Variants in PLXNA2 observed in about 807,000 individuals in gnomAD.
The protein encoded by PLXNA2 is plexin-A2.
In PLXNA2, 91 loss-of-function variants were observed where a neutral mutation model predicts 193.5. The ratio of observed to expected loss-of-function variants is 0.47; its 90% CI spans 0.40 to 0.56. The LOEUF is 0.56. PLXNA2 is among the 20% of genes least tolerant of loss of function. PLXNA2 has a pLI of 0.00. For synonymous variants in PLXNA2, 997 were observed against 1,027.3 expected (o/e 0.97, Z 0.56); for missense variants, 1,995 against 2,503.2 (o/e 0.80, Z 4.33).
intron 3 of PLXNA2, among the ~76,000 whole-genome samples, chr1:208,204,794 G>C (rs1341747947): frequency 6.6e-6 from 1 of 152,188 alleles, no homozygotes; most frequent in Non-Finnish European, 1.5e-5. Flanking sequence ...CTTAACAGCT[G>C]CTCCCTTGCC....
chr1:208,160,221 C>A (rs984435310), intron 3 of PLXNA2, among the ~76,000 whole-genome samples: 36 of 151,256 alleles, frequency 2.4e-4, no homozygotes, highest in Non-Finnish European at 7.4e-5. Flanking sequence ...CAACCCCCCC[C>A]GCCCAGAAGT....
intron 4 of PLXNA2, among the ~76,000 whole-genome samples, chr1:208,106,144 G>A (rs141162599): frequency 2.0e-5 from 3 of 152,048 alleles, no homozygotes; most frequent in East Asian, 1.9e-4. Flanking sequence ...GGGGTGGAGG[G>A]GGGGTGGTCT....
chr1:208,027,196 G>T lies in PLXNA2; in HGVS notation c.*47C>A. On this transcript the variant is annotated 3_prime_UTR_variant, in exon 32 of 32. Coordinates refer to ENST00000367033, the MANE Select transcript of PLXNA2 (RefSeq NM_025179.4). ...TCCTTCCATCTGAGACTCCCAGTGTGACAGCTTGGACAGGTCCCTCTTCCC... is the reference window on the plus strand; with the variant it reads ...TCCTTCCATCTGAGACTCCCAGTGTTACAGCTTGGACAGGTCCCTCTTCCC... The T allele has an allele frequency of 1.3e-6, 2 of 1,501,384 alleles. No homozygotes were observed. Among genetic ancestry groups the T allele is most frequent in the South Asian group, 1.1e-5 (1 of 88,744 alleles). The allele number at this position is 1,501,384 out of a possible 1,614,324, so 93.0% of individuals were successfully genotyped here.
chr1:208,099,101 T>A, intron 5 of PLXNA2, 132 bp from the exon 6 acceptor site: 1 of 1,112,972 alleles, frequency 9.0e-7, no homozygotes, highest in Non-Finnish European at 1.3e-6. Context: ...ACTTTTACTG[T>A]ACTCCGGAGG....
At chr1:208,168,455 G>C (rs1017903030) in intron 3 of PLXNA2, among the ~76,000 whole-genome samples, 1 of 152,190 alleles carries the variant, frequency 6.6e-6, no homozygotes, top group African/African-American at 2.4e-5. Flanking sequence ...AGGTGCTCAG[G>C]AAATATTTAC....
chr1:208,149,208 TTGTG>T (rs1430041323), intron 3 of PLXNA2, among the ~76,000 whole-genome samples: 3 of 151,298 alleles, frequency 2.0e-5, no homozygotes, highest in Non-Finnish European at 3.0e-5. Flanking sequence ...TATGAGTCTG[TTGTG>T]TGTATGTGTA....
chr1:208,219,506 G>C (rs2102617303), intron 1 of PLXNA2, among the ~76,000 whole-genome samples: 1 of 152,246 alleles, frequency 6.6e-6, no homozygotes, highest in African/African-American at 2.4e-5. Context: ...GGCACATAAG[G>C]TGGCAGGGAT....
chr1:208,091,084 A>T (rs953760321), intron 9 of PLXNA2, among the ~76,000 whole-genome samples: 1 of 152,222 alleles, frequency 6.6e-6, no homozygotes, highest in African/African-American at 2.4e-5. Context: ...GCATCAAAGC[A>T]TACCAACTGG....
intron 5 of PLXNA2, among the ~76,000 whole-genome samples, chr1:208,100,985 A>T (rs1276850623): frequency 6.6e-6 from 1 of 151,452 alleles, no homozygotes; most frequent in Admixed American, 6.6e-5. Context: ...CTCCCTCCAA[A>T]CTCCTCCCCC....
chr1:208,045,604 A>G (rs1299577780), intron 18 of PLXNA2, among the ~76,000 whole-genome samples: 1 of 152,210 alleles, frequency 6.6e-6, no homozygotes, highest in Non-Finnish European at 1.5e-5. Context: ...AAAAGGAAAC[A>G]GTTACTCCCA....
At position 208,038,694 on chromosome 1, in the gene PLXNA2, G is replaced by T; in HGVS notation, c.4660+131C>A. ...CACATCTGAACAGGCAGCGCTCAAA[G>T]CGGGAAGCATTTCACACGGGCCTCA... On this transcript the variant is annotated intron_variant, in intron 25 of 31. Transcript: ENST00000367033. This position sits in a 1 kb window ranked among gnomAD's most constrained non-coding sequence, Gnocchi z 4.1. 2 of 1,004,536 alleles carry T rather than the reference G, an allele frequency of 2.0e-6. No individual in the cohort carries two copies. Among genetic ancestry groups the T allele is most frequent in the Non-Finnish European group, 3.0e-6 (2 of 657,712 alleles). 62.2% of individuals were successfully genotyped at this position (1,004,536 alleles called of 1,614,324 possible).
intron 3 of PLXNA2, among the ~76,000 whole-genome samples, chr1:208,164,421 C>CT (rs1336631715): frequency 6.6e-6 from 1 of 152,224 alleles, no homozygotes; most frequent in Non-Finnish European, 1.5e-5. Context: ...CAGAGGTGAG[C>CT]CTTCCTTCCC....
chr1:208,023,755 G>A lies in PLXNA2; in HGVS notation c.*3488C>T, dbSNP rs1048181647. The A allele has an allele frequency of 3.9e-5, 6 of 152,192 alleles. No individual in the cohort carries two copies. Among genetic ancestry groups the A allele is most frequent in the East Asian group, 1.9e-4 (1 of 5,200 alleles). The allele number at this position is 152,192 out of a possible 1,614,324, so 9.4% of individuals were successfully genotyped here. A position where few individuals can be genotyped will look rare whatever the true frequency, so the allele number is the denominator to read the frequency against. ...CCAGCTTCCTGAAGGATATAAATTC[G>A]CTGGAAGAAAGACCTTGGTTTTGTT... On this transcript the variant is annotated 3_prime_UTR_variant, in exon 32 of 32. Transcript: ENST00000367033.
At chr1:208,237,169 C>T (rs1671886007) in intron 1 of PLXNA2, among the ~76,000 whole-genome samples, 2 of 152,212 alleles carry the variant, frequency 1.3e-5, no homozygotes, top group African/African-American at 4.8e-5. Context: ...TATCCCTCTA[C>T]CCTCTTTATG....
chr1:208,044,623 G>C lies in PLXNA2; in HGVS notation c.3759C>G (p.Val1253=), dbSNP rs200004691. The change falls in exon 20 of 32, where the codon GTC becomes GTG. Residue 1253 remains valine, a synonymous_variant. Coordinates refer to ENST00000367033, the MANE Select transcript of PLXNA2 (RefSeq NM_025179.4). The surrounding 1 kb of genome is among the most constrained non-coding windows in gnomAD (Gnocchi z 4.9). ...GCTTGTAGGCAATGAGGACGATGAT[G>C]ACGATGATGAGGAGGAGGCTGCCGC... is the stretch of plus-strand genomic sequence containing the variant. ...AAGGSLLLII[V]IIVLIAYKRK... The C allele has an allele frequency of 2.4e-4, 387 of 1,614,018 alleles. No homozygotes were observed. The highest frequency in any genetic ancestry group is 1.6e-4 in the Non-Finnish European group (190 of 1,180,006).
rs1415394536 is a variant in PLXNA2 at position 208,028,842 on chromosome 1, C to G, written c.5426G>C (p.Ser1809Thr). 1 of 1,613,848 alleles carries G rather than the reference C, an allele frequency of 6.2e-7. No individual in the cohort carries two copies. Among genetic ancestry groups the G allele is most frequent in the African/African-American group, 1.3e-5 (1 of 74,912 alleles). ...LYAKDIPSYKSWVERYYADIA... is the reference protein window; with the variant it reads ...LYAKDIPSYKTWVERYYADIA... ...GGGTGCTACTGACCTCTCCACCCAG[C>G]TCTTGTAGCTGGGGATGTCCTTGGC... Residue 1809 changes from serine to threonine, a missense_variant, in exon 30 of 32, where the codon AGC becomes ACC. Physicochemically the swap from Ser to Thr is moderately conservative, Grantham distance 58. Coordinates refer to ENST00000367033, the MANE Select transcript of PLXNA2 (RefSeq NM_025179.4). The surrounding 1 kb of genome is among the most constrained non-coding windows in gnomAD (Gnocchi z 4.2).
intron 3 of PLXNA2, among the ~76,000 whole-genome samples, chr1:208,205,321 A>G (rs1367948454): frequency 6.6e-6 from 1 of 152,156 alleles, no homozygotes; most frequent in Non-Finnish European, 1.5e-5. Context: ...CCTATTCTTA[A>G]CCAGGAGGGA....
At position 208,044,563 on chromosome 1, in the gene PLXNA2, C is replaced by T. The variant is rs2102323150; in HGVS notation, c.3819G>A (p.Arg1273=). ...CCAGATTGTCCATCTGCATTTGCAG[C>T]CGCTTGAGAGTGAGGTCATTTTCTC... is the stretch of plus-strand genomic sequence containing the variant. ...KSRENDLTLK[R]LQMQMDNLES... Residue 1273 remains arginine, a synonymous_variant, in exon 20 of 32, where the codon CGG becomes CGA. Coordinates refer to ENST00000367033, the MANE Select transcript of PLXNA2 (RefSeq NM_025179.4). This position sits in a 1 kb window ranked among gnomAD's most constrained non-coding sequence, Gnocchi z 4.9. The T allele has an allele frequency of 6.2e-7, 1 of 1,614,128 alleles. No homozygotes were observed. The highest frequency in any genetic ancestry group is 1.7e-5 in the Admixed American group (1 of 60,024).
At chr1:208,117,772 C>G (rs1052630329) in intron 4 of PLXNA2, among the ~76,000 whole-genome samples, 1 of 152,162 alleles carries the variant, frequency 6.6e-6, no homozygotes, top group Non-Finnish European at 1.5e-5. Flanking sequence ...AAAGTGGATC[C>G]ATTTGGGGGA....
Sources: gnomAD v4.1 joint callset for allele counts (sites outside exome capture counted in the v4.1 genomes callset) on GRCh38, gnomAD v4.1.1 for gene constraint, Gnocchi (gnomAD v3.1) non-coding constraint, MANE v1.5 for transcripts, NCBI Gene and HGNC (gene_info 2026-07-23, HGNC 2026-07-21) for gene names.